The following RABL2A variants were observed in gnomAD, a reference collection of about 807,000 sequenced individuals.
RABL2A encodes the protein RAB, member of RAS oncogene family like 2A.
In RABL2A, 17 loss-of-function variants were observed where a neutral mutation model predicts 30.7. The ratio of observed to expected loss-of-function variants is 0.55; its 90% CI spans 0.38 to 0.83. RABL2A has a LOEUF of 0.83. Ranked by LOEUF, RABL2A falls within the 40% of genes least tolerant of loss-of-function variation. The probability of loss-of-function intolerance (pLI) is 0.00; values close to 1 mark genes in which losing one functional copy is unlikely to be tolerated. For missense variants in RABL2A, 155 were observed against 272.6 expected, an observed-to-expected ratio of 0.57 and a Z score of 3.04; for synonymous variants, 64 against 101.8, an observed-to-expected ratio of 0.63 and a Z score of 2.24.
At position 113,640,906 on chromosome 2, in the gene RABL2A, C is replaced by G. The variant is rs551386900; in HGVS notation, c.310C>G (p.Gln104Glu). ...AHACIMVFDI[Q>E]RKVTYRNLST... ...CTGCCCTTTGCAGGTGTTTGATATA[C>G]AGAGGAAAGTCACCTATAGGAACCT... Residue 104 changes from glutamine to glutamate, a missense_variant, in exon 6 of 9, where the codon CAG becomes GAG. Physicochemically the swap from Gln to Glu is conservative, Grantham distance 29. Transcript: ENST00000683472. 1.2e-6 allele frequency: 2 copies of G among 1,613,854 alleles called. No homozygotes were observed. The highest frequency in any genetic ancestry group is 1.7e-6 in the Non-Finnish European group (2 of 1,179,854).
Position 113,642,254 on chromosome 2 carries a change from A to G in RABL2A, c.*125A>G, listed in dbSNP as rs1409279539. On this transcript the variant is annotated 3_prime_UTR_variant, in exon 9 of 9. Coordinates refer to ENST00000683472, the MANE Select transcript of RABL2A (RefSeq NM_001306158.2). ...CTACCTCCTGCAACCCACCCATCCT[A>G]TTAGCCTCCCACATTCAAGGCCCGT... The G allele has an allele frequency of 6.1e-6, 9 of 1,481,806 alleles. No individual in the cohort carries two copies. Among genetic ancestry groups the G allele is most frequent in the Non-Finnish European group, 8.1e-6 (9 of 1,112,360 alleles). 91.8% of individuals were successfully genotyped at this position (1,481,806 alleles called of 1,614,324 possible).
intron 5 of RABL2A, among the ~76,000 whole-genome samples, chr2:113,636,673 C>T (rs1682854068): frequency 6.6e-6 from 1 of 152,082 alleles, no homozygotes; most frequent in Non-Finnish European, 1.5e-5. Flanking sequence ...CAGGTTGCCA[C>T]CATTGTTGGC....
chr2:113,627,758 G>C (rs1376020369), intron 1 of RABL2A: 5 of 246,700 alleles, frequency 2.0e-5, no homozygotes, highest in Non-Finnish European at 3.9e-5. Flanking sequence ...ACTCCAGCCT[G>C]GGCGACAGAG....
intron 3 of RABL2A, 184 bp from the exon 4 acceptor site, chr2:113,633,969 A>G: frequency 1.5e-6 from 2 of 1,359,064 alleles, no homozygotes; most frequent in East Asian, 2.6e-5. Context: ...TCACCCTTCC[A>G]TGGAGCTTGT....
At position 113,641,604 on chromosome 2, in the gene RABL2A, T is replaced by A. The variant is rs1015789882; in HGVS notation, c.507+154T>A. 9 of 1,444,350 alleles carry A rather than the reference T, an allele frequency of 6.2e-6. No individual in the cohort carries two copies. In the African/African-American group the frequency reaches 1.3e-4, roughly 20 times the overall value. The allele number at this position is 1,444,350 out of a possible 1,614,324, so 89.5% of individuals were successfully genotyped here. A position where few individuals can be genotyped will look rare whatever the true frequency, so the allele number is the denominator to read the frequency against. Reference sequence around the variant, plus strand: ...AGGGGAGGAGCTGATGGGCCTGGACTTGATGAGGCAGAAGTCCATTGACCA... The same window carrying A: ...AGGGGAGGAGCTGATGGGCCTGGACATGATGAGGCAGAAGTCCATTGACCA... On this transcript the variant is annotated intron_variant, in intron 7 of 8. Transcript: ENST00000683472.
rs574947918 is a variant in RABL2A, at chr2:113,640,751, G to T, written c.298-143G>T. On this transcript the variant is annotated intron_variant, in intron 5 of 8. Coordinates refer to ENST00000683472, the MANE Select transcript of RABL2A (RefSeq NM_001306158.2). ...TTCCCTGAGAAACGGCAGCCTCTGC[G>T]GTCAGAGAGGCTGCAATTCAGAGCG... The T allele has an allele frequency of 5.7e-6, 8 of 1,409,736 alleles. No individual in the cohort carries two copies. In the Admixed American group the frequency reaches 6.8e-5, roughly 12 times the overall value. The allele number at this position is 1,409,736 out of a possible 1,614,324, so 87.3% of individuals were successfully genotyped here. A position where few individuals can be genotyped will look rare whatever the true frequency, so the allele number is the denominator to read the frequency against.
At chr2:113,639,275 G>T (rs1300823415) in intron 5 of RABL2A, among the ~76,000 whole-genome samples, 1 of 152,086 alleles carries the variant, frequency 6.6e-6, no homozygotes, top group Middle Eastern at 3.4e-3. Context: ...GACAGAGTAA[G>T]ACCCTATCTC....
intron 2 of RABL2A, among the ~76,000 whole-genome samples, chr2:113,631,643 G>C (rs1465184446): frequency 6.6e-6 from 1 of 152,158 alleles, no homozygotes; most frequent in Non-Finnish European, 1.5e-5. Flanking sequence ...CTAAGCTGCA[G>C]AACGTTGGGA....
intron 3 of RABL2A, chr2:113,633,471 C>T (rs569323322): frequency 2.2e-5 from 5 of 222,384 alleles, no homozygotes; most frequent in African/African-American, 1.2e-4. Context: ...CACTGAGAAC[C>T]ACAGGTGAGA....
chr2:113,636,884 G>A (rs931259994), intron 5 of RABL2A, among the ~76,000 whole-genome samples: 1 of 152,020 alleles, frequency 6.6e-6, no homozygotes, highest in African/African-American at 2.4e-5. Context: ...AGCTACTCGG[G>A]AGGCTGAGGC....
chr2:113,630,897 GT>G (rs750400542), intron 2 of RABL2A, among the ~76,000 whole-genome samples: 1 of 151,098 alleles, frequency 6.6e-6, no homozygotes, highest in Admixed American at 6.6e-5. Flanking sequence ...GTGTTTTTTT[GT>G]TTTTTTGGTT....
intron 2 of RABL2A, among the ~76,000 whole-genome samples, chr2:113,632,657 C>G (rs1021064926): frequency 3.3e-5 from 5 of 152,244 alleles, no homozygotes; most frequent in Non-Finnish European, 5.9e-5. Context: ...CAGAACTGTG[C>G]TCTGGTGGAA....
intron 2 of RABL2A, among the ~76,000 whole-genome samples, chr2:113,630,807 G>C (rs1680027533): frequency 6.6e-6 from 1 of 152,148 alleles, no homozygotes; most frequent in Non-Finnish European, 1.5e-5. Flanking sequence ...TTCCTGAGCT[G>C]CCATTACAGG....
rs1445207785 is a variant in RABL2A at position 113,643,212 on chromosome 2, C to G, written c.*1083C>G. The G allele has an allele frequency of 2.2e-6, 1 of 450,912 alleles. No homozygotes were observed. The highest frequency in any genetic ancestry group is 1.6e-5 in the South Asian group (1 of 63,612). The allele number at this position is 450,912 out of a possible 1,614,324, so 27.9% of individuals were successfully genotyped here. ...TAGGAATAGTTTGGACCTTGTGCCT[C>G]CTGTGGGAGGCTGAGGACTGCAAGA... On this transcript the variant is annotated 3_prime_UTR_variant, in exon 9 of 9. Transcript: ENST00000683472.
intron 1 of RABL2A, among the ~76,000 whole-genome samples, chr2:113,628,177 A>G (rs1369529659): frequency 1.3e-5 from 2 of 150,404 alleles, no homozygotes; most frequent in African/African-American, 2.5e-5. Context: ...TATCATTTCT[A>G]TGTGCCCCCC....
chr2:113,632,945 G>A lies in RABL2A; in HGVS notation c.137+1G>A. ...TGGAGAGATTTCTCATGGATGGCTT[G>A]TATCCTTCAAGGTTTGAAGTACTCC... On this transcript the variant is annotated splice_donor_variant, in intron 3 of 8. Coordinates refer to ENST00000683472, the MANE Select transcript of RABL2A (RefSeq NM_001306158.2). LOFTEE classifies it high-confidence loss of function. 1 of 1,614,226 alleles carries A rather than the reference G, an allele frequency of 6.2e-7. No individual in the cohort carries two copies. The highest frequency in any genetic ancestry group is 8.5e-7 in the Non-Finnish European group (1 of 1,180,048).
At chr2:113,629,787 C>G (rs1679600450) in intron 2 of RABL2A, among the ~76,000 whole-genome samples, 1 of 152,162 alleles carries the variant, frequency 6.6e-6, no homozygotes, top group Non-Finnish European at 1.5e-5. Context: ...ATCCGCCCAC[C>G]TCAGCCTCCG....
In RABL2A at chr2:113,643,312, G is replaced by A. The variant is rs547081300; in HGVS notation, c.*1183G>A. 5 of 345,696 alleles carry A rather than the reference G, an allele frequency of 1.4e-5. No homozygotes were observed. The highest frequency in any genetic ancestry group is 4.3e-5 in the South Asian group (2 of 46,464). 21.4% of individuals were successfully genotyped at this position (345,696 alleles called of 1,614,324 possible). On this transcript the variant is annotated 3_prime_UTR_variant, in exon 9 of 9. Transcript: ENST00000683472. ...GCTAGTATGTTTTTATGATAATCTC[G>A]GGCATTGTTTGCATTGTGTTTATTA...
At position 113,628,689 on chromosome 2, in the gene RABL2A, G is replaced by T; in HGVS notation, c.83G>T (p.Gly28Val). The T allele has an allele frequency of 6.5e-7, 1 of 1,541,998 alleles. No individual in the cohort carries two copies. Among genetic ancestry groups the T allele is most frequent in the Middle Eastern group, 2.1e-4 (1 of 4,776 alleles). Reference protein sequence around the residue: ...ADDNVKIICLGDSAVGKSKLM... With the variant: ...ADDNVKIICLVDSAVGKSKLM... ...GACAACGTGAAGATCATCTGCCTGG[G>T]AGACAGCGCAGTGGGCAAATCCAAG... The change falls in exon 2 of 9, where the codon GGA becomes GTA. Residue 28 changes from glycine to valine, a missense_variant. Coordinates refer to ENST00000683472, the MANE Select transcript of RABL2A (RefSeq NM_001306158.2).
Sources: gnomAD v4.1 joint callset for allele counts (sites outside exome capture counted in the v4.1 genomes callset) on GRCh38, gnomAD v4.1.1 for gene constraint, MANE v1.5 for transcripts, NCBI Gene and HGNC (gene_info 2026-07-23, HGNC 2026-07-21) for gene names.